Variants in ZNF548 observed in about 807,000 individuals in gnomAD.
ZNF548 encodes the protein zinc finger protein 548.
In ZNF548, 10 loss-of-function variants were observed where a neutral mutation model predicts 10.2. The observed-to-expected ratio is 0.98, with a 90% CI of 0.60 to 1.66. The LOEUF (loss-of-function observed/expected upper bound fraction) is 1.66. ZNF548 is among the 40% of genes most tolerant of loss of function. ZNF548 has a pLI of 0.00. For missense variants in ZNF548, 599 were observed against 657.0 expected (o/e 0.91, Z 0.97); for synonymous variants, 217 against 223.5 (o/e 0.97, Z 0.26).
At chr19:57,393,781 T>C (rs996253774) in intron 1 of ZNF548, among the ~76,000 whole-genome samples, 4 of 151,694 alleles carry the variant, frequency 2.6e-5, no homozygotes, top group Admixed American at 1.3e-4. Flanking sequence ...CTCGTTTGCT[T>C]TCCTTGGAAA....
chr19:57,397,598 G>A (rs972304540), intron 3 of ZNF548, among the ~76,000 whole-genome samples: 5 of 152,304 alleles, frequency 3.3e-5, no homozygotes, highest in East Asian at 3.9e-4. Flanking sequence ...TATGCAGGAC[G>A]CAGGACTCTT....
At position 57,400,020 on chromosome 19, in the gene ZNF548, C is replaced by G. The variant is rs1016487576; in HGVS notation, c.*131C>G. The G allele has an allele frequency of 1.9e-5, 13 of 688,722 alleles. No individual in the cohort carries two copies. The African/African-American group carries it at 2.3e-4, about 12-fold the overall frequency. The allele number at this position is 688,722 out of a possible 1,614,324, so 42.7% of individuals were successfully genotyped here. ...AACAACTCATTCCCCTTCCCTACTT[C>G]CCCAGAAATGTCTCAACTATATTTC... is the stretch of plus-strand genomic sequence containing the variant. On this transcript the variant is annotated 3_prime_UTR_variant, in exon 4 of 4. Coordinates refer to ENST00000336128, the MANE Select transcript of ZNF548 (RefSeq NM_001172773.2).
At chr19:57,396,587 C>G (rs2088666477) in intron 2 of ZNF548, among the ~76,000 whole-genome samples, 1 of 152,280 alleles carries the variant, frequency 6.6e-6, no homozygotes, top group East Asian at 1.9e-4. Context: ...TGGGGACAGG[C>G]CAATGACTGA....
rs779950513 is a variant in ZNF548, at chr19:57,401,343, T to C, written c.*1454T>C. ...GGAAAACAAAAAGGGTAGTTGCATC[T>C]GTACTAAACATGAACAGACATTTTT... On this transcript the variant is annotated 3_prime_UTR_variant, in exon 4 of 4. Coordinates refer to ENST00000336128, the MANE Select transcript of ZNF548 (RefSeq NM_001172773.2). 2.6e-5 allele frequency: 4 copies of C among 152,258 alleles called. No homozygotes were observed. Among genetic ancestry groups the C allele is most frequent in the Non-Finnish European group, 5.9e-5 (4 of 68,038 alleles). 9.4% of individuals were successfully genotyped at this position (152,258 alleles called of 1,614,324 possible).
At chr19:57,390,452 C>A (rs1241966776) in intron 1 of ZNF548, 9 of 278,654 alleles carry the variant, frequency 3.2e-5, no homozygotes, top group Non-Finnish European at 6.7e-6. Context: ...GGGGCAGGTC[C>A]AGAGTTCGAA....
At position 57,399,784 on chromosome 19, in the gene ZNF548, C is replaced by G. The variant is rs1374829888; in HGVS notation, c.1533C>G (p.His511Gln). ...KSHLVHHQKIHSEERLVCSMN... is the reference protein window; with the variant it reads ...KSHLVHHQKIQSEERLVCSMN... ...ACCTGGTTCATCACCAGAAAATCCACAGTGAAGAGAGGCTTGTGTGCTCCA... is the reference window on the plus strand; with the variant it reads ...ACCTGGTTCATCACCAGAAAATCCAGAGTGAAGAGAGGCTTGTGTGCTCCA... Residue 511 changes from histidine (H) to glutamine (Q), a missense_variant, in exon 4 of 4, where the codon CAC becomes CAG. Coordinates refer to ENST00000336128, the MANE Select transcript of ZNF548 (RefSeq NM_001172773.2). The surrounding 1 kb of genome is among the most constrained non-coding windows in gnomAD (Gnocchi z 4.0). 3 of 1,613,974 alleles carry G rather than the reference C, an allele frequency of 1.9e-6. No individual in the cohort carries two copies. In the African/African-American group the frequency reaches 4.0e-5, roughly 22 times the overall value.
chr19:57,398,548 G>C lies in ZNF548; in HGVS notation c.297G>C (p.Glu99Asp), dbSNP rs980323378. ...CLSSQKVHPS[E>D]TCGPPLKDIL... ...CCAGCCAGAAGGTCCACCCTAGTGA[G>C]ACATGTGGCCCACCCTTGAAAGACA... Residue 99 changes from glutamate to aspartate, a missense_variant, in exon 4 of 4, where the codon GAG becomes GAC. Glu to Asp is a conservative substitution (Grantham distance 45). Transcript: ENST00000336128. 13 of 1,613,956 alleles carry C rather than the reference G, an allele frequency of 8.1e-6. No homozygotes were observed. Among genetic ancestry groups the C allele is most frequent in the East Asian group, 2.2e-5 (1 of 44,902 alleles).
intron 2 of ZNF548, 79 bp downstream of exon 2, chr19:57,394,302 C>T: frequency 7.0e-7 from 1 of 1,421,632 alleles, no homozygotes; most frequent in South Asian, 1.2e-5. Flanking sequence ...ACCTCTTTTC[C>T]TGTCTTTCTC....
intron 1 of ZNF548, 38 bp downstream of exon 1, chr19:57,390,152 C>A: frequency 1.2e-6 from 2 of 1,603,290 alleles, no homozygotes; most frequent in Admixed American, 1.7e-5. Flanking sequence ...CCCGACCGGT[C>A]CTCCCAGTGC....
In ZNF548 at chr19:57,399,665, C is replaced by G; in HGVS notation, c.1414C>G (p.His472Asp). 1 of 1,613,670 alleles carries G rather than the reference C, an allele frequency of 6.2e-7. No homozygotes were observed. Among genetic ancestry groups the G allele is most frequent in the Non-Finnish European group, 8.5e-7 (1 of 1,179,882 alleles). Residue 472 changes from histidine to aspartate, a missense_variant, in exon 4 of 4, where the codon CAC becomes GAC. His to Asp is a moderately conservative substitution (Grantham distance 81). Transcript: ENST00000336128. This position sits in a 1 kb window ranked among gnomAD's most constrained non-coding sequence, Gnocchi z 4.0. ...ECRECGKAFSHKHILVEHQKI... is the reference protein window; with the variant it reads ...ECRECGKAFSDKHILVEHQKI... ...CAGAGAGTGTGGGAAAGCCTTTAGCCACAAGCATATACTTGTTGAGCACCA... is the reference window on the plus strand; with the variant it reads ...CAGAGAGTGTGGGAAAGCCTTTAGCGACAAGCATATACTTGTTGAGCACCA...
chr19:57,394,310 C>G, intron 2 of ZNF548, 87 bp downstream of exon 2: 1 of 1,377,948 alleles, frequency 7.3e-7, no homozygotes, highest in Non-Finnish European at 1.0e-6. Flanking sequence ...TCCTGTCTTT[C>G]TCTTATGTCT....
chr19:57,397,825 C>T (rs1229632233), intron 3 of ZNF548, among the ~76,000 whole-genome samples: 1 of 152,162 alleles, frequency 6.6e-6, no homozygotes, highest in Non-Finnish European at 1.5e-5. Context: ...GGTCAAATCA[C>T]CCTGGGAACC....
chr19:57,400,129 A>C lies in ZNF548; in HGVS notation c.*240A>C. The C allele has an allele frequency of 2.4e-6, 1 of 425,308 alleles. No homozygotes were observed. Among genetic ancestry groups the C allele is most frequent in the Non-Finnish European group, 4.2e-6 (1 of 240,928 alleles). The allele number at this position is 425,308 out of a possible 1,614,324, so 26.3% of individuals were successfully genotyped here. A position where few individuals can be genotyped will look rare whatever the true frequency, so the allele number is the denominator to read the frequency against. On this transcript the variant is annotated 3_prime_UTR_variant, in exon 4 of 4. Transcript: ENST00000336128. Reference sequence around the variant, plus strand: ...TGTACCTCATATAAGTGGATTCTACAGTATTTATCTTTTGAGACTGGCTTA... The same window carrying C: ...TGTACCTCATATAAGTGGATTCTACCGTATTTATCTTTTGAGACTGGCTTA...
chr19:57,391,987 C>T (rs939048067), intron 1 of ZNF548, among the ~76,000 whole-genome samples: 28 of 151,820 alleles, frequency 1.8e-4, no homozygotes, highest in Middle Eastern at 3.4e-3. Context: ...TTAGTAGAGA[C>T]GGGGTTTCAC....
At position 57,397,045 on chromosome 19, in the gene ZNF548, C is replaced by A; in HGVS notation, c.52-3C>A. ...TATGTATTCATCTTTCCCAATTTGG[C>A]AGGGCCGTGTGGTCTTTGAGGACGT... On this transcript the variant is annotated splice_polypyrimidine_tract_variant and splice_region_variant and intron_variant, in intron 2 of 3. Transcript: ENST00000336128. The A allele has an allele frequency of 6.2e-7, 1 of 1,601,780 alleles. No individual in the cohort carries two copies. Among genetic ancestry groups the A allele is most frequent in the South Asian group, 1.1e-5 (1 of 89,654 alleles).
chr19:57,395,920 A>T lies in ZNF548; in HGVS notation c.52-1128A>T, dbSNP rs1387883022. Among the ~76,000 whole-genome samples the T allele has an allele frequency of 1.3e-5, 2 of 152,136 alleles. No homozygotes were observed. Among genetic ancestry groups the T allele is most frequent in the East Asian group, 3.9e-4 (2 of 5,188 alleles). On this transcript the variant is annotated intron_variant, in intron 2 of 3. Transcript: ENST00000336128. The surrounding 1 kb of genome is among the most constrained non-coding windows in gnomAD (Gnocchi z 4.8). ...TTGGGCAGCTGACAGTGAAGTGAGAAACAGGGCCGTGTAGGGAACCTTCAA... is the reference window on the plus strand; with the variant it reads ...TTGGGCAGCTGACAGTGAAGTGAGATACAGGGCCGTGTAGGGAACCTTCAA...
chr19:57,396,992 A>G (rs1600086892), intron 2 of ZNF548, 56 bp from the exon 3 acceptor site: 1 of 1,559,710 alleles, frequency 6.4e-7, no homozygotes, highest in Non-Finnish European at 8.7e-7. Context: ...AGAGAACTTA[A>G]GTAAATACAG....
At chr19:57,397,003 CT>C in intron 2 of ZNF548, 44 bp from the exon 3 acceptor site, 1 of 1,571,516 alleles carries the variant, frequency 6.4e-7, no homozygotes, top group South Asian at 1.2e-5. Context: ...GTAAATACAG[CT>C]TGAAAAGAAG....
In ZNF548 at chr19:57,399,983, G is replaced by C; in HGVS notation, c.*94G>C. ...TCCTCTTACCAAGAAGTAAAATGCT[G>C]TACCCATTAACAACAACTCATTCCC... On this transcript the variant is annotated 3_prime_UTR_variant, in exon 4 of 4. Coordinates refer to ENST00000336128, the MANE Select transcript of ZNF548 (RefSeq NM_001172773.2). The surrounding 1 kb of genome is among the most constrained non-coding windows in gnomAD (Gnocchi z 4.0). The C allele has an allele frequency of 9.7e-7, 1 of 1,026,318 alleles. No homozygotes were observed. Among genetic ancestry groups the C allele is most frequent in the Non-Finnish European group, 1.4e-6 (1 of 724,914 alleles). 63.6% of individuals were successfully genotyped at this position (1,026,318 alleles called of 1,614,324 possible).
Sources: allele counts gnomAD v4.1 joint callset (sites outside exome capture counted in the v4.1 genomes callset), GRCh38; gene constraint gnomAD v4.1.1; non-coding constraint Gnocchi (gnomAD v3.1); transcripts MANE v1.5; gene names NCBI Gene and HGNC (gene_info 2026-07-23, HGNC 2026-07-21).